OPRD1: variants seen among roughly 807,000 people sequenced by gnomAD.
OPRD1 encodes opioid receptor delta 1, also known as delta-type opioid receptor.
In OPRD1, 19 loss-of-function variants were observed where a neutral mutation model predicts 17.5. That is an observed-to-expected ratio of 1.09 (90% confidence interval 0.76 to 1.60). OPRD1 has a LOEUF of 1.60. OPRD1 is among the 40% of genes most tolerant of loss of function. The probability of loss-of-function intolerance (pLI) is 0.00; values close to 1 mark genes in which losing one functional copy is unlikely to be tolerated. For missense variants in OPRD1, 483 were observed against 547.2 expected, an observed-to-expected ratio of 0.88 and a Z score of 1.17; for synonymous variants, 256 against 240.9, an observed-to-expected ratio of 1.06 and a Z score of -0.58.
At chr1:28,844,271 T>A (rs2124277757) in intron 1 of OPRD1, among the ~76,000 whole-genome samples, 1 of 152,160 alleles carries the variant, frequency 6.6e-6, no homozygotes, top group South Asian at 2.1e-4. Context: ...TTTCATGGGC[T>A]TATTGGCCAT....
chr1:28,820,904 G>GAC (rs2088707601), intron 1 of OPRD1, among the ~76,000 whole-genome samples: 1 of 151,622 alleles, frequency 6.6e-6, no homozygotes, highest in South Asian at 2.1e-4. Flanking sequence ...TCTGGCCTGA[G>GAC]ACCCCATATT....
intron 1 of OPRD1, among the ~76,000 whole-genome samples, chr1:28,845,807 AG>A (rs2088935002): frequency 6.6e-6 from 1 of 152,100 alleles, no homozygotes; most frequent in African/African-American, 2.4e-5. Context: ...AAAAAAAATT[AG>A]AGAACAACAG....
In OPRD1 at chr1:28,866,315, G is replaced by A. The variant is rs1024940373; in HGVS notation, c.*3032G>A. 7.9e-5 allele frequency: 12 copies of A among 152,250 alleles called. No homozygotes were observed. Among genetic ancestry groups the A allele is most frequent in the Admixed American group, 7.9e-4 (12 of 15,270 alleles). 9.4% of individuals were successfully genotyped at this position (152,250 alleles called of 1,614,324 possible). ...TCTGTAAGAGGTGGAAAAGGGTCGGGGACCCTGAAGGATGAATAGGAGTTG... is the reference window on the plus strand; with the variant it reads ...TCTGTAAGAGGTGGAAAAGGGTCGGAGACCCTGAAGGATGAATAGGAGTTG... On this transcript the variant is annotated 3_prime_UTR_variant, in exon 3 of 3. Transcript: ENST00000234961.
At chr1:28,812,861 C>T (rs1371786136) in intron 1 of OPRD1, among the ~76,000 whole-genome samples, 1 of 151,926 alleles carries the variant, frequency 6.6e-6, no homozygotes, top group Admixed American at 6.6e-5. Context: ...ATTTGATCAT[C>T]TGTTGGCATC....
In OPRD1 at chr1:28,812,348, C is replaced by A. The variant is rs532626025; in HGVS notation, c.-36C>A. The A allele has an allele frequency of 1.3e-5, 17 of 1,280,566 alleles. No individual in the cohort carries two copies. In the South Asian group the frequency reaches 3.8e-4, roughly 29 times the overall value. The allele number at this position is 1,280,566 out of a possible 1,614,324, so 79.3% of individuals were successfully genotyped here. Reference sequence around the variant, plus strand: ...GTCGGATCCCCGCGCCCAGGGCGCACGGTGGAGAGGGACGCGGCGGAGCCG... The same window carrying A: ...GTCGGATCCCCGCGCCCAGGGCGCAAGGTGGAGAGGGACGCGGCGGAGCCG... On this transcript the variant is annotated 5_prime_UTR_variant, in exon 1 of 3. Transcript: ENST00000234961.
At chr1:28,819,773 G>A (rs757131607) in intron 1 of OPRD1, among the ~76,000 whole-genome samples, 42 of 152,160 alleles carry the variant, frequency 2.8e-4, no homozygotes, top group Middle Eastern at 3.2e-3. Context: ...GAATGGAGGC[G>A]AGTGCTGGGG....
intron 1 of OPRD1, among the ~76,000 whole-genome samples, chr1:28,812,865 T>G (rs2088644245): frequency 6.6e-6 from 1 of 151,158 alleles, no homozygotes; most frequent in Non-Finnish European, 1.5e-5. Flanking sequence ...GATCATCTGT[T>G]GGCATCCCCT....
chr1:28,840,437 CAT>C (rs1467167356), intron 1 of OPRD1, among the ~76,000 whole-genome samples: 1 of 152,070 alleles, frequency 6.6e-6, no homozygotes, highest in Non-Finnish European at 1.5e-5. Flanking sequence ...GTGAAGGACA[CAT>C]AGAGTACTTT....
At chr1:28,860,525 G>C (rs981853910) in intron 2 of OPRD1, among the ~76,000 whole-genome samples, 1 of 152,166 alleles carries the variant, frequency 6.6e-6, no homozygotes, top group African/African-American at 2.4e-5. Context: ...TGTTGAGAAG[G>C]TTAAAAGAGA....
chr1:28,845,171 C>T (rs1380204082), intron 1 of OPRD1, among the ~76,000 whole-genome samples: 2 of 151,662 alleles, frequency 1.3e-5, no homozygotes, highest in South Asian at 2.1e-4. Flanking sequence ...GGTGAAACCC[C>T]GTCTCTACTA....
At chr1:28,821,856 A>G (rs1278564917) in intron 1 of OPRD1, among the ~76,000 whole-genome samples, 2 of 152,178 alleles carry the variant, frequency 1.3e-5, no homozygotes, top group Non-Finnish European at 2.9e-5. Flanking sequence ...CACAGGCAAC[A>G]TAGCAAGACC....
intron 2 of OPRD1, among the ~76,000 whole-genome samples, chr1:28,861,917 T>TC (rs67336139): frequency 1.8e-4 from 14 of 79,504 alleles, no homozygotes; most frequent in African/African-American, 3.4e-4. Context: ...TCTTTTCTTT[T>TC]TTTTTTTTTT....
intron 1 of OPRD1, among the ~76,000 whole-genome samples, chr1:28,817,910 G>GT (rs1481802848): frequency 4.9e-5 from 7 of 143,558 alleles, no homozygotes; most frequent in Non-Finnish European, 7.7e-5. Flanking sequence ...GGCGGGGGGG[G>GT]GGTTTCACCA....
At chr1:28,856,881 C>T (rs1388667815) in intron 1 of OPRD1, among the ~76,000 whole-genome samples, 2 of 152,188 alleles carry the variant, frequency 1.3e-5, no homozygotes, top group Non-Finnish European at 2.9e-5. Context: ...TCCGCTTCCC[C>T]ACACCACTGT....
At chr1:28,840,051 C>T (rs2088883272) in intron 1 of OPRD1, among the ~76,000 whole-genome samples, 1 of 152,170 alleles carries the variant, frequency 6.6e-6, no homozygotes, top group Non-Finnish European at 1.5e-5. Context: ...TGAGCCTGGC[C>T]CTGTGCTGGG....
chr1:28,860,435 G>A (rs2089103231), intron 2 of OPRD1, among the ~76,000 whole-genome samples: 1 of 151,938 alleles, frequency 6.6e-6, no homozygotes, highest in Non-Finnish European at 1.5e-5. Context: ...CTTAATGCAA[G>A]GAAGTGAGAA....
At chr1:28,834,631 C>T (rs753678388) in intron 1 of OPRD1, among the ~76,000 whole-genome samples, 2 of 152,090 alleles carry the variant, frequency 1.3e-5, no homozygotes, top group East Asian at 1.9e-4. Context: ...CCTCCCACCT[C>T]GGACTCCCAA....
At chr1:28,854,411 A>G (rs967144651) in intron 1 of OPRD1, among the ~76,000 whole-genome samples, 4 of 151,324 alleles carry the variant, frequency 2.6e-5, no homozygotes, top group African/African-American at 9.7e-5. Context: ...TTTTTGAGAC[A>G]GTGTCTTGCT....
intron 1 of OPRD1, among the ~76,000 whole-genome samples, chr1:28,823,750 G>A (rs959918780): frequency 1.3e-5 from 2 of 151,352 alleles, no homozygotes; most frequent in Non-Finnish European, 2.9e-5. Flanking sequence ...GGCTGGACTC[G>A]AACTCCTGAC....
Sources: gnomAD v4.1 joint callset for allele counts (sites outside exome capture counted in the v4.1 genomes callset) on GRCh38, gnomAD v4.1.1 for gene constraint, MANE v1.5 for transcripts, NCBI Gene and HGNC (gene_info 2026-07-23, HGNC 2026-07-21) for gene names.